Variants in PLEKHG7 observed in about 807,000 individuals in gnomAD.
PLEKHG7 encodes the protein pleckstrin homology and RhoGEF domain containing G7.
Under a neutral mutation model 85.2 loss-of-function variants are expected in PLEKHG7, and 77 were observed. The observed-to-expected ratio is 0.90, with a 90% confidence interval of 0.75 to 1.09. The LOEUF (loss-of-function observed/expected upper bound fraction) is 1.09, where lower values mean the gene tolerates loss of function less well. PLEKHG7 is among the 50% of genes least tolerant of loss of function. The pLI, the probability that PLEKHG7 is intolerant of heterozygous loss-of-function variation, is 0.00. For synonymous variants in PLEKHG7, 301 were observed against 302.4 expected, an observed-to-expected ratio of 1.00 and a Z score of 0.05; for missense variants, 777 against 804.3, an observed-to-expected ratio of 0.97 and a Z score of 0.41.
intron 3 of PLEKHG7, among the ~76,000 whole-genome samples, chr12:92,722,764 C>T (rs183843966): frequency 1.2e-4 from 19 of 152,218 alleles, no homozygotes; most frequent in South Asian, 4.1e-4. Context: ...TGTTCCAGAA[C>T]GGAAAAACAA....
At chr12:92,715,739 G>A (rs1057167500) in intron 3 of PLEKHG7, among the ~76,000 whole-genome samples, 11 of 115,400 alleles carry the variant, frequency 9.5e-5, no homozygotes, top group African/African-American at 1.7e-4. Context: ...AAAAAAAAAA[G>A]GCCTATCAAA....
chr12:92,732,494 G>A (rs1308731373), intron 5 of PLEKHG7, among the ~76,000 whole-genome samples: 1 of 152,166 alleles, frequency 6.6e-6, no homozygotes, highest in East Asian at 1.9e-4. Context: ...TGGTTAATTA[G>A]TTCTGCAAAA....
intron 13 of PLEKHG7, 109 bp from the exon 14 acceptor site, chr12:92,761,623 GAAGAAAGAAAGAAAGAAAGA>G (rs10601568): frequency 0.054 from 38,473 of 717,860 alleles, 1,716 homozygotes; most frequent in African/African-American, 0.093. Context: ...AAGAAAGAAA[GAAGAAAGAAAGAAAGAAAGA>G]AAGAAAGAAA....
chr12:92,747,138 A>C (rs1872554911), intron 10 of PLEKHG7, among the ~76,000 whole-genome samples: 1 of 152,170 alleles, frequency 6.6e-6, no homozygotes, highest in South Asian at 2.1e-4. Context: ...TTGACAGGGG[A>C]CTAATACCTA....
At chr12:92,755,669 C>T (rs910872455) in intron 11 of PLEKHG7, among the ~76,000 whole-genome samples, 156 bp from the exon 12 acceptor site, 12 of 152,164 alleles carry the variant, frequency 7.9e-5, no homozygotes, top group African/African-American at 1.7e-4. Context: ...TTTTCTAAGA[C>T]GCATGAACAG....
intron 3 of PLEKHG7, among the ~76,000 whole-genome samples, chr12:92,727,147 T>C (rs1019802624): frequency 3.3e-5 from 5 of 152,148 alleles, no homozygotes; most frequent in African/African-American, 1.2e-4. Flanking sequence ...CTCCCCTGCC[T>C]CCCAGTCCTT....
At chr12:92,707,705 A>G (rs1260810878) in intron 3 of PLEKHG7, 33 bp downstream of exon 3, 1 of 1,613,630 alleles carries the variant, frequency 6.2e-7, no homozygotes, top group Non-Finnish European at 8.5e-7. Flanking sequence ...CGGTGCTATG[A>G]CATCTGTTGA....
At chr12:92,762,916 G>A (rs1234743413) in intron 14 of PLEKHG7, among the ~76,000 whole-genome samples, 2 of 152,102 alleles carry the variant, frequency 1.3e-5, no homozygotes, top group Non-Finnish European at 2.9e-5. Context: ...GGGAATGGGT[G>A]TACGAGAATA....
At chr12:92,711,095 C>T (rs907156300) in intron 3 of PLEKHG7, among the ~76,000 whole-genome samples, 1 of 152,202 alleles carries the variant, frequency 6.6e-6, no homozygotes, top group Non-Finnish European at 1.5e-5. Context: ...TATAATCGCA[C>T]ATCTGGCCAT....
rs756652438 is a variant in PLEKHG7 at position 92,755,826 on chromosome 12, G to A, written c.1428G>A (p.Arg476=). ...SIKEKVEKSI[R]DLEGKVKWLD... ...TACTGACTATGTCATGTCTTTCAGGGGACCTTGAAGGAAAAGTGAAGTGGC... is the reference window on the plus strand; with the variant it reads ...TACTGACTATGTCATGTCTTTCAGGAGACCTTGAAGGAAAAGTGAAGTGGC... Residue 476 remains arginine (R), a splice_region_variant and synonymous_variant, in exon 12 of 17, where the codon CGG becomes CGA. Transcript: ENST00000344636. The A allele has an allele frequency of 1.9e-6, 3 of 1,599,166 alleles. No individual in the cohort carries two copies. The highest frequency in any genetic ancestry group is 2.2e-5 in the East Asian group (1 of 44,774).
Position 92,754,562 on chromosome 12 carries a change from G to A in PLEKHG7, c.1426+298G>A, listed in dbSNP as rs530594165. On this transcript the variant is annotated intron_variant, in intron 11 of 16. Coordinates refer to ENST00000344636, the MANE Select transcript of PLEKHG7 (RefSeq NM_001377329.1). Reference sequence around the variant, plus strand: ...AAGTTCTACTTCCCAGATAACTGAAGGCACTTTGTTTTTAACAGCCGTACT... The same window carrying A: ...AAGTTCTACTTCCCAGATAACTGAAAGCACTTTGTTTTTAACAGCCGTACT... 9.7e-4 allele frequency among the ~76,000 whole-genome samples: 148 copies of A among 152,294 alleles called. 2 individuals carry two copies. Among genetic ancestry groups the A allele is most frequent in the African/African-American group, 3.5e-3 (144 of 41,532 alleles).
In PLEKHG7 at chr12:92,738,782, C is replaced by A. The variant is rs1872259954; in HGVS notation, c.939+1261C>A. On this transcript the variant is annotated intron_variant, in intron 7 of 16. Transcript: ENST00000344636. ...TGATCAAATTAGTTTTCTTTGAAAT[C>A]TATCAAGTGCTATACAAATGTCAGT... Among the ~76,000 whole-genome samples the A allele has an allele frequency of 2.6e-5, 4 of 152,304 alleles. No individual in the cohort carries two copies. The South Asian group carries it at 8.3e-4, about 32-fold the overall frequency.
At chr12:92,743,000 C>T (rs745721185) in intron 9 of PLEKHG7, among the ~76,000 whole-genome samples, 3 of 152,172 alleles carry the variant, frequency 2.0e-5, no homozygotes, top group Non-Finnish European at 4.4e-5. Context: ...GAATGCCCCA[C>T]GCTATGCTAC....
chr12:92,719,081 G>T (rs1032397067), intron 3 of PLEKHG7, among the ~76,000 whole-genome samples: 2 of 152,128 alleles, frequency 1.3e-5, no homozygotes, highest in Non-Finnish European at 2.9e-5. Flanking sequence ...CCAACAAATG[G>T]AATACTTTGA....
intron 3 of PLEKHG7, among the ~76,000 whole-genome samples, chr12:92,709,819 G>C (rs1228748006): frequency 3.3e-5 from 5 of 152,226 alleles, no homozygotes; most frequent in Admixed American, 2.0e-4. Context: ...CAGGCAGGCG[G>C]ATCACTTGAG....
At chr12:92,753,801 C>G (rs561428603) in intron 10 of PLEKHG7, among the ~76,000 whole-genome samples, 1 of 152,344 alleles carries the variant, frequency 6.6e-6, no homozygotes, top group South Asian at 2.1e-4. Context: ...AACCAGAACT[C>G]TCCCCTGAAG....
intron 15 of PLEKHG7, 116 bp downstream of exon 15, chr12:92,764,310 G>A (rs1037537594): frequency 1.3e-5 from 14 of 1,048,898 alleles, no homozygotes; most frequent in Admixed American, 9.8e-5. Flanking sequence ...ACAAGACTGT[G>A]TTCCTATGTG....
At chr12:92,734,807 TC>T (rs1872091720) in intron 5 of PLEKHG7, among the ~76,000 whole-genome samples, 1 of 152,208 alleles carries the variant, frequency 6.6e-6, no homozygotes, top group Admixed American at 6.5e-5. Context: ...CTACTGTACA[TC>T]TTCATGCCAC....
intron 13 of PLEKHG7, 82 bp from the exon 14 acceptor site, chr12:92,761,657 AGAAAGAAAGAAAG>A (rs1465102130): frequency 6.2e-6 from 8 of 1,299,226 alleles, no homozygotes; most frequent in African/African-American, 1.6e-5. Flanking sequence ...AAAGAAAGAA[AGAAAGAAAGAAAG>A]AAAGAAAGAA....
Sources: gnomAD v4.1 joint callset for allele counts (sites outside exome capture counted in the v4.1 genomes callset) on GRCh38, gnomAD v4.1.1 for gene constraint, MANE v1.5 for transcripts, NCBI Gene and HGNC (gene_info 2026-07-23, HGNC 2026-07-21) for gene names.